Variants in SYNJ2BP observed in about 807,000 individuals in gnomAD.
SYNJ2BP encodes the protein synaptojanin 2 binding protein, also known as synaptojanin-2-binding protein.
A neutral mutation model predicts 16.9 loss-of-function variants in SYNJ2BP; 10 were observed. The observed-to-expected ratio is 0.59, with a 90% CI of 0.36 to 1.00. The LOEUF (loss-of-function observed/expected upper bound fraction) is 1.00, where lower values mean the gene tolerates loss of function less well. Ranked by LOEUF, SYNJ2BP falls within the 50% of genes least tolerant of loss-of-function variation. SYNJ2BP has a pLI of 0.01. For synonymous variants in SYNJ2BP, 54 were observed against 68.4 expected, an observed-to-expected ratio of 0.79 and a Z score of 1.04; for missense variants, 162 against 186.7, an observed-to-expected ratio of 0.87 and a Z score of 0.77.
intron 2 of SYNJ2BP, among the ~76,000 whole-genome samples, chr14:70,385,504 G>A (rs940513796): frequency 1.3e-5 from 2 of 151,856 alleles, no homozygotes; most frequent in African/African-American, 2.4e-5. Context: ...GACTACAGGC[G>A]CGTGCACCAA....
chr14:70,373,130 A>G lies in SYNJ2BP; in HGVS notation c.299T>C (p.Leu100Ser), dbSNP rs142365285. The stretch of plus-strand genomic sequence containing the variant: ...TCCTATAGGTCCATTCTGCACCTGT[A>G]ACTGGAAGGGAAAGAAAAATGTTAA... ...YAVSLRVQHRLQVQNGPIGHR... is the reference protein window; with the variant it reads ...YAVSLRVQHRSQVQNGPIGHR... Residue 100 changes from leucine (L) to serine (S), a missense_variant and splice_region_variant, in exon 4 of 4, where the codon TTA becomes TCA. Physicochemically the swap from Leu to Ser is moderately radical, Grantham distance 145. Transcript: ENST00000256366. 384 of 1,613,372 alleles carry G rather than the reference A, an allele frequency of 2.4e-4. 1 individual carries two copies. The highest frequency in any genetic ancestry group is 3.1e-4 in the Non-Finnish European group (370 of 1,179,832).
At chr14:70,390,240 C>T (rs570054503) in intron 1 of SYNJ2BP, among the ~76,000 whole-genome samples, 85 of 152,220 alleles carry the variant, frequency 5.6e-4, no homozygotes, top group African/African-American at 1.9e-3. Context: ...ATGTCAGCTA[C>T]TGGTAGAATT....
rs45565842 is a variant in SYNJ2BP, at chr14:70,373,018, A to C, written c.411T>G (p.Ala137=). 0.067 allele frequency: 108,787 copies of C among 1,614,058 alleles called. 4,036 individuals carry two copies. Among genetic ancestry groups the C allele is most frequent in the Middle Eastern group, 0.12 (717 of 6,062 alleles). The change falls in exon 4 of 4, where the codon GCT becomes GCG. Residue 137 remains alanine (A), a synonymous_variant. Transcript: ENST00000256366. ...AAAGTTGTTGCCGGTATCTCATGAAAGCCCAGGCTGCTACCATGGTGAGGG... is the reference window on the plus strand; with the variant it reads ...AAAGTTGTTGCCGGTATCTCATGAACGCCCAGGCTGCTACCATGGTGAGGG... ...VFALTMVAAW[A]FMRYRQQL
intron 3 of SYNJ2BP, among the ~76,000 whole-genome samples, chr14:70,373,983 C>A (rs763071814): frequency 1.1e-4 from 16 of 152,208 alleles, no homozygotes; most frequent in Non-Finnish European, 1.9e-4. Context: ...TACCATTATA[C>A]CCTCTATTCC....
intron 1 of SYNJ2BP, among the ~76,000 whole-genome samples, chr14:70,406,534 G>C (rs1888348121): frequency 6.6e-6 from 1 of 152,160 alleles, no homozygotes; most frequent in Non-Finnish European, 1.5e-5. Context: ...TATGATTTAG[G>C]AGTCATGCAG....
At chr14:70,410,811 T>A (rs1340384199) in intron 1 of SYNJ2BP, among the ~76,000 whole-genome samples, 1 of 152,094 alleles carries the variant, frequency 6.6e-6, no homozygotes, top group East Asian at 1.9e-4. Flanking sequence ...GGGAGCTAAA[T>A]AATAACACAT....
Position 70,369,797 on chromosome 14 carries a change from A to G in SYNJ2BP, c.*3194T>C, listed in dbSNP as rs1266616408. ...AGCTAGTTGAAGCAAACAATATCTT[A>G]TAATTATACATGTAATACAGAATGA... On this transcript the variant is annotated 3_prime_UTR_variant, in exon 4 of 4. Transcript: ENST00000256366. 1.3e-5 allele frequency: 2 copies of G among 152,252 alleles called. No homozygotes were observed. The highest frequency in any genetic ancestry group is 2.4e-5 in the African/African-American group (1 of 41,476). The allele number at this position is 152,252 out of a possible 1,614,324, so 9.4% of individuals were successfully genotyped here.
intron 2 of SYNJ2BP, among the ~76,000 whole-genome samples, chr14:70,380,168 T>C (rs879624250): frequency 6.6e-6 from 1 of 152,196 alleles, no homozygotes; most frequent in Non-Finnish European, 1.5e-5. Flanking sequence ...GCAAACAGAA[T>C]GAAAGCAGCA....
intron 1 of SYNJ2BP, among the ~76,000 whole-genome samples, chr14:70,413,028 T>C (rs972464519): frequency 2.6e-5 from 4 of 152,144 alleles, no homozygotes; most frequent in African/African-American, 9.7e-5. Flanking sequence ...AAAAACAAGA[T>C]TCCACTAAAG....
Position 70,370,155 on chromosome 14 carries a change from A to C in SYNJ2BP, c.*2836T>G, listed in dbSNP as rs944624247. 8 of 152,242 alleles carry C rather than the reference A, an allele frequency of 5.3e-5. No homozygotes were observed. The highest frequency in any genetic ancestry group is 1.9e-4 in the African/African-American group (8 of 41,462). 9.4% of individuals were successfully genotyped at this position (152,242 alleles called of 1,614,324 possible). On this transcript the variant is annotated 3_prime_UTR_variant, in exon 4 of 4. Coordinates refer to ENST00000256366, the MANE Select transcript of SYNJ2BP (RefSeq NM_018373.3). ...AAAGCAAAACTTCTACCAACGACAGAATGGATACTTTTTAAACAAATTTAC... is the reference window on the plus strand; with the variant it reads ...AAAGCAAAACTTCTACCAACGACAGCATGGATACTTTTTAAACAAATTTAC...
At chr14:70,374,441 AG>A (rs1396905788) in intron 3 of SYNJ2BP, among the ~76,000 whole-genome samples, 2 of 152,192 alleles carry the variant, frequency 1.3e-5, no homozygotes, top group African/African-American at 4.8e-5. Context: ...CCACTGAGTG[AG>A]GAAGAGTGCA....
rs111689924 is a variant in SYNJ2BP, at chr14:70,374,466, T to C, written c.297+1210A>G. ...AGGAAGAGTGCACCTATTTAAGAAG[T>C]AGCAAATTGATTTAATTTAAAGGCA... On this transcript the variant is annotated intron_variant, in intron 3 of 3. Transcript: ENST00000256366. Among the ~76,000 whole-genome samples, 906 of 152,304 alleles carry C rather than the reference T, an allele frequency of 5.9e-3. 6 individuals carry two copies. Among genetic ancestry groups the C allele is most frequent in the African/African-American group, 0.021 (867 of 41,564 alleles).
chr14:70,410,368 G>A (rs543784544), intron 1 of SYNJ2BP, among the ~76,000 whole-genome samples: 6 of 152,310 alleles, frequency 3.9e-5, no homozygotes, highest in South Asian at 4.1e-4. Flanking sequence ...AGGCTGCAGT[G>A]AGCCAAGATC....
chr14:70,377,056 C>A (rs929804428), intron 2 of SYNJ2BP, among the ~76,000 whole-genome samples: 4 of 152,214 alleles, frequency 2.6e-5, no homozygotes, highest in African/African-American at 9.6e-5. Flanking sequence ...ACTTCAGTCA[C>A]CAATTGACGT....
intron 1 of SYNJ2BP, among the ~76,000 whole-genome samples, chr14:70,390,703 T>C (rs1309037547): frequency 6.6e-6 from 1 of 151,724 alleles, no homozygotes; most frequent in Non-Finnish European, 1.5e-5. Context: ...ATGCGGGCTT[T>C]CTGAAAGTTC....
intron 1 of SYNJ2BP, among the ~76,000 whole-genome samples, chr14:70,407,257 T>C (rs1354060197): frequency 6.6e-6 from 1 of 151,942 alleles, no homozygotes; most frequent in East Asian, 1.9e-4. Flanking sequence ...TGAAACCATG[T>C]CTCTACTAAA....
intron 1 of SYNJ2BP, among the ~76,000 whole-genome samples, chr14:70,390,355 T>C (rs549326964): frequency 2.0e-5 from 3 of 152,226 alleles, no homozygotes; most frequent in African/African-American, 4.8e-5. Context: ...CTGTTCTCAA[T>C]AGAAAAGATA....
At chr14:70,387,900 T>C (rs186159184) in intron 2 of SYNJ2BP, among the ~76,000 whole-genome samples, 2 of 150,966 alleles carry the variant, frequency 1.3e-5, no homozygotes, top group Non-Finnish European at 3.0e-5. Flanking sequence ...AGATTAATAA[T>C]TACCATGTAG....
chr14:70,417,069 G>A lies in SYNJ2BP; in HGVS notation c.-106C>T. On this transcript the variant is annotated 5_prime_UTR_variant, in exon 1 of 4. Coordinates refer to ENST00000256366, the MANE Select transcript of SYNJ2BP (RefSeq NM_018373.3). ...CCACAGCACAGCGGTTTCGGTTTCA[G>A]CAGCCTCGAGACCCGGAAAAGGAAG... The A allele has an allele frequency of 1.3e-6, 2 of 1,556,364 alleles. No individual in the cohort carries two copies. Among genetic ancestry groups the A allele is most frequent in the Non-Finnish European group, 1.8e-6 (2 of 1,140,324 alleles).
Sources: gnomAD v4.1 joint callset for allele counts (sites outside exome capture counted in the v4.1 genomes callset) on GRCh38, gnomAD v4.1.1 for gene constraint, MANE v1.5 for transcripts, NCBI Gene and HGNC (gene_info 2026-07-23, HGNC 2026-07-21) for gene names.